The following UNC13C variants were observed in gnomAD, a reference collection of about 807,000 sequenced individuals.
UNC13C encodes protein unc-13 homolog C.
Under a neutral mutation model 245.4 loss-of-function variants are expected in UNC13C, and 174 were observed. The observed-to-expected ratio is 0.71, with a 90% CI of 0.63 to 0.80. The LOEUF is 0.80. UNC13C is among the 30% of genes least tolerant of loss of function. The pLI is 0.00. For synonymous variants in UNC13C, 992 were observed against 895.1 expected, an observed-to-expected ratio of 1.11 and a Z score of -1.93; for missense variants, 2,829 against 2,602.9, an observed-to-expected ratio of 1.09 and a Z score of -1.89.
At chr15:54,474,358 A>G (rs1454673221) in intron 19 of UNC13C, among the ~76,000 whole-genome samples, 2 of 151,982 alleles carry the variant, frequency 1.3e-5, no homozygotes, top group Non-Finnish European at 2.9e-5. Flanking sequence ...CCTTCTGATA[A>G]TAGCCATTCT....
chr15:53,863,958 C>T, the UNC13C span, among the ~76,000 whole-genome samples: 1 of 152,152 alleles, frequency 6.6e-6, no homozygotes, highest in Non-Finnish European at 1.5e-5. Flanking sequence ...TTTGTTAAGA[C>T]AACTTTGAGG....
intron 30 of UNC13C, among the ~76,000 whole-genome samples, chr15:54,608,906 C>T (rs1899926197): frequency 6.6e-6 from 1 of 152,180 alleles, no homozygotes; most frequent in South Asian, 2.1e-4. Context: ...CAGTACATTA[C>T]CACCCTCTTG....
At chr15:54,250,867 C>T (rs1050644051) in intron 8 of UNC13C, among the ~76,000 whole-genome samples, 3 of 150,764 alleles carry the variant, frequency 2.0e-5, no homozygotes, top group African/African-American at 7.3e-5. Context: ...CGCCATTCTC[C>T]GGCCTCAGCC....
At chr15:53,936,050 G>C in the UNC13C span, among the ~76,000 whole-genome samples, 2 of 152,170 alleles carry the variant, frequency 1.3e-5, no homozygotes, top group Admixed American at 6.5e-5. Context: ...CCCCACTCCC[G>C]TGGCACCTCA....
At chr15:54,546,288 G>C (rs1237076390) in intron 26 of UNC13C, among the ~76,000 whole-genome samples, 3 of 152,162 alleles carry the variant, frequency 2.0e-5, no homozygotes, top group Non-Finnish European at 4.4e-5. Context: ...GTGGACACAG[G>C]GAGGGGAACA....
intron 6 of UNC13C, among the ~76,000 whole-genome samples, chr15:54,237,220 A>G (rs534358471): frequency 1.3e-5 from 2 of 152,332 alleles, no homozygotes; most frequent in South Asian, 2.1e-4. Context: ...ATTCAGGGCC[A>G]TCACCAAAGT....
chr15:54,220,109 G>T (rs1386217733), intron 4 of UNC13C, among the ~76,000 whole-genome samples: 1 of 149,848 alleles, frequency 6.7e-6, no homozygotes, highest in African/African-American at 2.5e-5. Context: ...TATACCCAAA[G>T]GACTATAAAT....
intron 2 of UNC13C, 133 bp from the exon 3 acceptor site, chr15:54,142,885 A>G: frequency 2.6e-6 from 2 of 770,234 alleles, no homozygotes; most frequent in Non-Finnish European, 2.1e-6. Context: ...CTTGGGCTCA[A>G]CCTTGAAACT....
At chr15:54,616,385 A>G (rs1213767518) in intron 30 of UNC13C, among the ~76,000 whole-genome samples, 2 of 147,832 alleles carry the variant, frequency 1.4e-5, no homozygotes. Context: ...ATAACATAAC[A>G]CCACACATGT....
intron 17 of UNC13C, among the ~76,000 whole-genome samples, chr15:54,367,044 A>G (rs970767216): frequency 3.3e-5 from 5 of 152,186 alleles, no homozygotes; most frequent in African/African-American, 9.7e-5. Flanking sequence ...TAATTTAATT[A>G]TGCATAAGAT....
chr15:53,895,019 A>T, the UNC13C span, among the ~76,000 whole-genome samples: 2 of 151,924 alleles, frequency 1.3e-5, no homozygotes, highest in African/African-American at 4.8e-5. Context: ...TTATCTAGTG[A>T]TCAGTTTCCA....
intron 10 of UNC13C, among the ~76,000 whole-genome samples, chr15:54,278,040 G>A (rs538158535): frequency 3.6e-4 from 55 of 152,150 alleles, no homozygotes; most frequent in African/African-American, 1.2e-3. Context: ...GGATCAGCGT[G>A]GCATGCAACT....
At chr15:54,286,876 A>G (rs948427245) in intron 10 of UNC13C, among the ~76,000 whole-genome samples, 22 of 152,314 alleles carry the variant, frequency 1.4e-4, no homozygotes, top group African/African-American at 4.6e-4. Context: ...ATGGAATAAA[A>G]GACCTTATTC....
intron 2 of UNC13C, among the ~76,000 whole-genome samples, chr15:54,035,543 T>C (rs889455377): frequency 6.6e-6 from 1 of 152,164 alleles, no homozygotes; most frequent in African/African-American, 2.4e-5. Flanking sequence ...CCTCTAAATT[T>C]CACTGGCCTT....
At chr15:54,092,109 C>A (rs542120858) in intron 2 of UNC13C, among the ~76,000 whole-genome samples, 1 of 152,262 alleles carries the variant, frequency 6.6e-6, no homozygotes, top group African/African-American at 2.4e-5. Flanking sequence ...ACATTTTGAC[C>A]CTTCAAGGCT....
At chr15:54,402,395 G>A (rs1305519364) in intron 18 of UNC13C, among the ~76,000 whole-genome samples, 3 of 152,028 alleles carry the variant, frequency 2.0e-5, no homozygotes, top group Admixed American at 6.6e-5. Flanking sequence ...GCCAAAGAAT[G>A]CTTACCAATA....
intron 19 of UNC13C, among the ~76,000 whole-genome samples, chr15:54,434,947 G>T (rs1163135031): frequency 6.6e-6 from 1 of 151,990 alleles, no homozygotes; most frequent in East Asian, 1.9e-4. Context: ...CTCAAAATAA[G>T]GCATTTATGC....
chr15:54,027,182 GAAA>G (rs201428032), intron 2 of UNC13C, among the ~76,000 whole-genome samples: 3 of 141,898 alleles, frequency 2.1e-5, no homozygotes, highest in Non-Finnish European at 4.6e-5. Context: ...GAAAAAAAAA[GAAA>G]AAAAAAAAAC....
intron 28 of UNC13C, among the ~76,000 whole-genome samples, chr15:54,554,017 A>G (rs1896987527): frequency 6.6e-6 from 1 of 152,028 alleles, no homozygotes; most frequent in Admixed American, 6.6e-5. Flanking sequence ...CCCGTATCAG[A>G]GAAAGATTCA....
Sources: gnomAD v4.1 joint callset for allele counts (sites outside exome capture counted in the v4.1 genomes callset) on GRCh38, gnomAD v4.1.1 for gene constraint, MANE v1.5 for transcripts, NCBI Gene and HGNC (gene_info 2026-07-23, HGNC 2026-07-21) for gene names.